Variants in NPPA observed in about 807,000 individuals in gnomAD.
NPPA encodes the protein natriuretic peptides A.
A neutral mutation model predicts 12.2 loss-of-function variants in NPPA; 10 were observed. The ratio of observed to expected loss-of-function variants is 0.82; its 90% CI spans 0.50 to 1.38. The LOEUF (loss-of-function observed/expected upper bound fraction) is 1.38, where lower values mean the gene tolerates loss of function less well. Ranked by LOEUF, NPPA falls within the 40% of genes most tolerant of loss-of-function variation. NPPA has a pLI of 0.00. For missense variants in NPPA, 207 were observed against 193.5 expected, an observed-to-expected ratio of 1.07 and a Z score of -0.41; for synonymous variants, 85 against 80.2, an observed-to-expected ratio of 1.06 and a Z score of -0.32.
In NPPA at chr1:11,847,176, G is replaced by A. The variant is rs372868878; in HGVS notation, c.387C>T (p.Ser129=). The change falls in exon 2 of 3, where the codon AGC becomes AGT. Residue 129 remains serine, a synonymous_variant. Transcript: ENST00000376480. The part of the protein sequence containing the change: ...LTAPRSLRRS[S]CFGGRMDRIG... ...TCCTGTCCATCCTGCCCCCGAAGCA[G>A]CTGGATCTCCGCAGGCTCCGAGGGG... 5.6e-6 allele frequency: 9 copies of A among 1,593,376 alleles called. No homozygotes were observed. In the African/African-American group the frequency reaches 1.2e-4, roughly 21 times the overall value.
intron 2 of NPPA, among the ~76,000 whole-genome samples, chr1:11,846,797 G>T (rs1484777370): frequency 2.0e-5 from 3 of 151,426 alleles, no homozygotes; most frequent in Non-Finnish European, 4.4e-5. Context: ...TGTATTTTTA[G>T]TAGAGCTGGG....
In NPPA at chr1:11,847,365, C is replaced by T. The variant is rs767807184; in HGVS notation, c.198G>A (p.Pro66=). The change falls in exon 2 of 3, where the codon CCG becomes CCA. Residue 66 remains proline, a synonymous_variant. Coordinates refer to ENST00000376480, the MANE Select transcript of NPPA (RefSeq NM_006172.4). The stretch of plus-strand genomic sequence containing the variant: ...TGAGAGCAGCCCCCGCTTCTTCATT[C>T]GGCTCACTGAGCACTTGTGGGGGCA... ...EVVPPQVLSE[P]NEEAGAALSP... 241 of 1,613,912 alleles carry T rather than the reference C, an allele frequency of 1.5e-4. 4 individuals are homozygous for T. In the South Asian group the frequency reaches 1.6e-3, roughly 11 times the overall value.
chr1:11,847,511 A>G (rs745734732), intron 1 of NPPA, 51 bp downstream of exon 1: 2 of 1,614,168 alleles, frequency 1.2e-6, no homozygotes, highest in Admixed American at 3.3e-5. Flanking sequence ...GAGTGAGCAC[A>G]GCATCAGAAA....
Position 11,845,949 on chromosome 1 carries a change from A to G in NPPA, c.*60T>C. 6.4e-7 allele frequency: 1 copy of G among 1,558,428 alleles called. No homozygotes were observed. ...AAATGCAGCAGAGACCCCAGGGGAC[A>G]GGAGCCTCTTGCAGTCTGTCCCTAG... On this transcript the variant is annotated 3_prime_UTR_variant, in exon 3 of 3. Transcript: ENST00000376480.
chr1:11,846,077 A>G (rs568167712), intron 2 of NPPA, 63 bp from the exon 3 acceptor site: 2 of 1,564,914 alleles, frequency 1.3e-6, no homozygotes, highest in East Asian at 2.2e-5. Context: ...AGTCAGCTTC[A>G]TGTATGAGTG....
At chr1:11,847,039 T>C (rs1378403114) in intron 2 of NPPA, 74 bp downstream of exon 2, 10 of 1,372,112 alleles carry the variant, frequency 7.3e-6, no homozygotes, top group East Asian at 4.7e-5. Flanking sequence ...AGCTTCTGCA[T>C]TGGTCCCTTT....
At position 11,847,376 on chromosome 1, in the gene NPPA, G is replaced by T. The variant is rs951621848; in HGVS notation, c.187C>A (p.Leu63Ile). ...LEDEVVPPQV[L>I]SEPNEEAGAA... ...CCCGCTTCTTCATTCGGCTCACTGA[G>T]CACTTGTGGGGGCACGACCTCATCT... Residue 63 changes from leucine to isoleucine, a missense_variant, in exon 2 of 3, where the codon CTC becomes ATC. Leu to Ile is a conservative substitution (Grantham distance 5, BLOSUM62 2). Coordinates refer to ENST00000376480, the MANE Select transcript of NPPA (RefSeq NM_006172.4). 3.7e-6 allele frequency: 6 copies of T among 1,613,892 alleles called. No homozygotes were observed. In the Admixed American group the frequency reaches 5.0e-5, roughly 13 times the overall value.
rs5066 is a variant in NPPA at position 11,845,938 on chromosome 1, C to A, written c.*71G>T. 79,968 of 1,491,420 alleles carry A rather than the reference C, an allele frequency of 0.054. 2,420 individuals are homozygous for A. The highest frequency in any genetic ancestry group is 0.11 in the Middle Eastern group (633 of 5,822). The allele number at this position is 1,491,420 out of a possible 1,614,324, so 92.4% of individuals were successfully genotyped here. ...CAAGATGACACAAATGCAGCAGAGACCCCAGGGGACAGGAGCCTCTTGCAG... is the reference window on the plus strand; with the variant it reads ...CAAGATGACACAAATGCAGCAGAGAACCCAGGGGACAGGAGCCTCTTGCAG... On this transcript the variant is annotated 3_prime_UTR_variant, in exon 3 of 3. Coordinates refer to ENST00000376480, the MANE Select transcript of NPPA (RefSeq NM_006172.4).
chr1:11,846,107 A>G, intron 2 of NPPA, 93 bp from the exon 3 acceptor site: 1 of 1,285,994 alleles, frequency 7.8e-7, no homozygotes, highest in Non-Finnish European at 1.1e-6. Context: ...TCTGAACTTG[A>G]TTACTGACCA....
chr1:11,846,646 C>G (rs1474363959), intron 2 of NPPA, among the ~76,000 whole-genome samples: 14 of 107,540 alleles, frequency 1.3e-4, no homozygotes, highest in Non-Finnish European at 1.8e-4. Flanking sequence ...GAGACAGTCT[C>G]GCTCTATCAC....
intron 2 of NPPA, 69 bp from the exon 3 acceptor site, chr1:11,846,083 G>A: frequency 6.6e-7 from 1 of 1,519,362 alleles, no homozygotes; most frequent in Non-Finnish European, 9.1e-7. Context: ...CTTCATGTAT[G>A]AGTGTGCCCA....
rs1645063751 is a variant in NPPA, at chr1:11,845,758, C to T, written c.*251G>A. On this transcript the variant is annotated 3_prime_UTR_variant, in exon 3 of 3. Coordinates refer to ENST00000376480, the MANE Select transcript of NPPA (RefSeq NM_006172.4). ...AGTTTATTCACTTTCAAACCACTTT[C>T]AGTAACAGGTGAGGTTCTACCTTAA... 1 of 562,712 alleles carries T rather than the reference C, an allele frequency of 1.8e-6. No homozygotes were observed. The highest frequency in any genetic ancestry group is 3.2e-6 in the Non-Finnish European group (1 of 312,708). The allele number at this position is 562,712 out of a possible 1,614,324, so 34.9% of individuals were successfully genotyped here. A position where few individuals can be genotyped will look rare whatever the true frequency, so the allele number is the denominator to read the frequency against.
At position 11,846,022 on chromosome 1, in the gene NPPA, G is replaced by A. The variant is rs771066721; in HGVS notation, c.451-8C>T. 15 of 1,614,076 alleles carry A rather than the reference G, an allele frequency of 9.3e-6. No homozygotes were observed. The highest frequency in any genetic ancestry group is 1.1e-5 in the Non-Finnish European group (13 of 1,179,960). ...TGGCTGTTATCTTCAGTACTGCAAA[G>A]AGAACACAGACATATCTGGCTTGGT... On this transcript the variant is annotated splice_region_variant and splice_polypyrimidine_tract_variant and intron_variant, in intron 2 of 2. Coordinates refer to ENST00000376480, the MANE Select transcript of NPPA (RefSeq NM_006172.4).
At chr1:11,846,059 C>A (rs770080380) in intron 2 of NPPA, 45 bp from the exon 3 acceptor site, 1 of 1,611,594 alleles carries the variant, frequency 6.2e-7, no homozygotes, top group African/African-American at 1.3e-5. Flanking sequence ...ACCTGGCTGT[C>A]CTGGAAAAGT....
At position 11,847,114 on chromosome 1, in the gene NPPA, C is replaced by T. The variant is rs202102042; in HGVS notation, c.449G>A (p.Arg150Gln). 2.1e-4 allele frequency: 324 copies of T among 1,528,966 alleles called. 2 individuals carry two copies. Among genetic ancestry groups the T allele is most frequent in the Admixed American group, 6.1e-4 (28 of 46,244 alleles). The allele number at this position is 1,528,966 out of a possible 1,614,324, so 94.7% of individuals were successfully genotyped here. A position where few individuals can be genotyped will look rare whatever the true frequency, so the allele number is the denominator to read the frequency against. ...AQSGLGCNSF[R>Q]Y Reference sequence around the variant, plus strand: ...ATTTCCATCCCCAGTTCCTCTTACCCGGAAGCTGTTACAGCCCAGTCCGCT... The same window carrying T: ...ATTTCCATCCCCAGTTCCTCTTACCTGGAAGCTGTTACAGCCCAGTCCGCT... The change falls in exon 2 of 3, where the codon CGG (arginine) becomes CAG (glutamine). Residue 150 changes from arginine to glutamine, a missense_variant and splice_region_variant. By Grantham distance (43) the Arg-to-Gln change is conservative (BLOSUM62 1). Transcript: ENST00000376480.
intron 2 of NPPA, 52 bp from the exon 3 acceptor site, chr1:11,846,066 A>G (rs1273388219): frequency 5.6e-6 from 9 of 1,606,518 alleles, no homozygotes; most frequent in Non-Finnish European, 6.0e-6. Flanking sequence ...TGTCCTGGAA[A>G]AGTCAGCTTC....
At position 11,846,433 on chromosome 1, in the gene NPPA, C is replaced by G. The variant is rs530137616; in HGVS notation, c.451-419G>C. Reference sequence around the variant, plus strand: ...CTCCCGGGTTCACGCCATTCTCCTGCCTCAGCCTCCGGAGTAGCTAGGACT... The same window carrying G: ...CTCCCGGGTTCACGCCATTCTCCTGGCTCAGCCTCCGGAGTAGCTAGGACT... On this transcript the variant is annotated intron_variant, in intron 2 of 2. Transcript: ENST00000376480. Among the ~76,000 whole-genome samples, 3 of 151,114 alleles carry G rather than the reference C, an allele frequency of 2.0e-5. No individual in the cohort carries two copies. In the East Asian group the frequency reaches 5.8e-4, roughly 29 times the overall value.
chr1:11,846,128 A>G, intron 2 of NPPA, 114 bp from the exon 3 acceptor site: 1 of 962,544 alleles, frequency 1.0e-6, no homozygotes, highest in Non-Finnish European at 1.7e-6. Flanking sequence ...CCTGCTTCCC[A>G]CCGGCCCCCA....
Position 11,847,487 on chromosome 1 carries a change from G to T in NPPA, c.124-48C>A, listed in dbSNP as rs757054965. 3 of 1,614,030 alleles carry T rather than the reference G, an allele frequency of 1.9e-6. No individual in the cohort carries two copies. The Admixed American group carries it at 5.0e-5, about 27-fold the overall frequency. On this transcript the variant is annotated intron_variant, in intron 1 of 2. Transcript: ENST00000376480. ...GAAAGGGATAAACCTCACTGACTTG[G>T]AGGAAATCAAGAGGAGTGAGCACAG...
Sources: allele counts gnomAD v4.1 joint callset (sites outside exome capture counted in the v4.1 genomes callset), GRCh38; gene constraint gnomAD v4.1.1; transcripts MANE v1.5; gene names NCBI Gene and HGNC (gene_info 2026-07-23, HGNC 2026-07-21).